Variants in GLRA2 observed in about 807,000 individuals in gnomAD.
The protein encoded by GLRA2 is glycine receptor alpha 2.
GLRA2 carries 11 observed loss-of-function variants against 31.6 expected under a neutral mutation model. The observed-to-expected ratio is 0.35, with a 90% confidence interval of 0.22 to 0.58. The LOEUF (loss-of-function observed/expected upper bound fraction) is 0.58. Ranked by LOEUF, GLRA2 falls within the 20% of genes least tolerant of loss-of-function variation. The pLI is 0.84. For synonymous variants in GLRA2, 132 were observed against 134.0 expected, an observed-to-expected ratio of 0.99 and a Z score of 0.10; for missense variants, 212 against 351.8, an observed-to-expected ratio of 0.60 and a Z score of 3.18.
chrX:14,731,716 C>T lies in GLRA2; in HGVS notation c.*1231C>T, dbSNP rs762232583. ...TTTTGCTTACTCAGATAAAAGACAA[C>T]CTGTAAAAATATAATAATTAAATTT... On this transcript the variant is annotated 3_prime_UTR_variant, in exon 9 of 9. Transcript: ENST00000218075. 9.0e-6 allele frequency: 1 copy of T among 111,290 alleles called. No individual in the cohort carries two copies. 9.2% of individuals were successfully genotyped at this position (111,290 alleles called of 1,213,427 possible). A position where few individuals can be genotyped will look rare whatever the true frequency, so the allele number is the denominator to read the frequency against.
intron 2 of GLRA2, among the ~76,000 whole-genome samples, chrX:14,559,998 C>T (rs1000939484): frequency 3.6e-5 from 4 of 111,542 alleles, no homozygotes; most frequent in Non-Finnish European, 7.5e-5. Context: ...CACCATGCAA[C>T]GCAGGAAGCC....
the GLRA2 span, among the ~76,000 whole-genome samples, chrX:14,449,061 G>A: frequency 1.8e-5 from 2 of 112,380 alleles, no homozygotes; most frequent in African/African-American, 3.2e-5. Flanking sequence ...AGACCTCTGC[G>A]TGAGCTGGAA....
chrX:14,715,339 G>A (rs2091770497), intron 8 of GLRA2, among the ~76,000 whole-genome samples: 1 of 112,126 alleles, frequency 8.9e-6, no homozygotes, highest in African/African-American at 3.2e-5. Context: ...AAATAAGCAA[G>A]GAAATGACTT....
At chrX:14,480,306 C>T in the GLRA2 span, among the ~76,000 whole-genome samples, 5 of 111,555 alleles carry the variant, frequency 4.5e-5, no homozygotes, top group Non-Finnish European at 7.5e-5. Flanking sequence ...CCTCCAATTC[C>T]GTAGGTTGTT....
the GLRA2 span, among the ~76,000 whole-genome samples, chrX:14,454,409 TATCTC>T: frequency 2.7e-5 from 3 of 111,225 alleles, no homozygotes; most frequent in African/African-American, 6.5e-5. Flanking sequence ...AATCTACAAT[TATCTC>T]AAACTAAAAA....
At chrX:14,725,558 T>A (rs2091920436) in intron 8 of GLRA2, among the ~76,000 whole-genome samples, 1 of 111,965 alleles carries the variant, frequency 8.9e-6, no homozygotes, top group Non-Finnish European at 1.9e-5. Flanking sequence ...GGAGTCCTTT[T>A]ACTTCCTCCT....
chrX:14,584,462 C>T (rs2090059317), intron 4 of GLRA2, among the ~76,000 whole-genome samples: 1 of 111,700 alleles, frequency 9.0e-6, no homozygotes, highest in Non-Finnish European at 1.9e-5. Flanking sequence ...TGCAGACTCA[C>T]CATCATCACC....
intron 8 of GLRA2, among the ~76,000 whole-genome samples, chrX:14,716,448 AG>A (rs1018916216): frequency 6.3e-5 from 7 of 111,806 alleles, no homozygotes; most frequent in Non-Finnish European, 1.3e-4. Flanking sequence ...AGAGGATGGA[AG>A]TCCTTTGAGG....
At chrX:14,621,846 G>A (rs2090523277) in intron 7 of GLRA2, among the ~76,000 whole-genome samples, 2 of 112,186 alleles carry the variant, frequency 1.8e-5, no homozygotes, top group African/African-American at 3.2e-5. Flanking sequence ...CTTTATAGCA[G>A]CATGATTTAT....
intron 7 of GLRA2, among the ~76,000 whole-genome samples, chrX:14,687,634 C>T (rs981306449): frequency 8.9e-6 from 1 of 112,164 alleles, no homozygotes; most frequent in African/African-American, 3.2e-5. Flanking sequence ...GTAGTTCTTG[C>T]GCCATGGTTT....
rs1266334071 is a variant in GLRA2 at position 14,708,445 on chromosome X, T to C, written c.1080+17586T>C. ...CAGGGACAGGAGGTATATGTTGCAC[T>C]AACTATATTGCACCTCACTAAAACT... is the stretch of plus-strand genomic sequence containing the variant. On this transcript the variant is annotated intron_variant, in intron 8 of 8. Transcript: ENST00000218075. 2.7e-5 allele frequency among the ~76,000 whole-genome samples: 3 copies of C among 111,217 alleles called. No individual in the cohort carries two copies. In the East Asian group the frequency reaches 8.5e-4, roughly 31 times the overall value.
the GLRA2 span, among the ~76,000 whole-genome samples, chrX:14,469,162 T>G: frequency 9.0e-6 from 1 of 111,366 alleles, no homozygotes; most frequent in Non-Finnish European, 1.9e-5. Flanking sequence ...AGAAGCTCTT[T>G]AGTTTAATTA....
intron 7 of GLRA2, among the ~76,000 whole-genome samples, chrX:14,627,260 G>T (rs1248647216): frequency 9.0e-6 from 1 of 111,197 alleles, no homozygotes; most frequent in Admixed American, 9.6e-5. Context: ...CACTCTATGT[G>T]CCAGACCTGC....
the GLRA2 span, among the ~76,000 whole-genome samples, chrX:14,500,482 C>T: frequency 0.012 from 1,349 of 112,364 alleles, 19 homozygotes; most frequent in African/African-American, 0.038. Context: ...GTAGTCCTAC[C>T]TCACCCCTTT....
chrX:14,570,651 A>T (rs1039354386), intron 2 of GLRA2, among the ~76,000 whole-genome samples: 4 of 111,494 alleles, frequency 3.6e-5, no homozygotes, highest in Non-Finnish European at 7.5e-5. Context: ...TATATGAAGA[A>T]TAGCACTATT....
chrX:14,536,610 A>G (rs2077287165), intron 2 of GLRA2, among the ~76,000 whole-genome samples: 1 of 112,167 alleles, frequency 8.9e-6, no homozygotes, highest in Admixed American at 9.5e-5. Context: ...AATTGGTTCA[A>G]TTATAAATCA....
Position 14,683,657 on chromosome X carries a change from T to C in GLRA2, c.931-7053T>C, listed in dbSNP as rs763088796. 7.2e-5 allele frequency among the ~76,000 whole-genome samples: 8 copies of C among 111,863 alleles called. No homozygotes were observed. The East Asian group carries it at 2.2e-3, about 31-fold the overall frequency. ...TCCTAATGGTATTGCCTAGGTTTCCTTCTAGGGTCTTTATGGTTTTAGGTC... is the reference window on the plus strand; with the variant it reads ...TCCTAATGGTATTGCCTAGGTTTCCCTCTAGGGTCTTTATGGTTTTAGGTC... On this transcript the variant is annotated intron_variant, in intron 7 of 8. Coordinates refer to ENST00000218075, the MANE Select transcript of GLRA2 (RefSeq NM_002063.4).
intron 8 of GLRA2, among the ~76,000 whole-genome samples, chrX:14,691,170 G>A (rs956740214): frequency 2.7e-5 from 3 of 111,221 alleles, no homozygotes; most frequent in African/African-American, 6.5e-5. Flanking sequence ...TCTGAAATTC[G>A]GAAGTAACTG....
the GLRA2 span, among the ~76,000 whole-genome samples, chrX:14,490,282 T>G: frequency 1.8e-5 from 2 of 112,097 alleles, no homozygotes; most frequent in Non-Finnish European, 3.8e-5. Flanking sequence ...TGTTCTTCAG[T>G]AAGCTGCAAG....
Sources: allele counts gnomAD v4.1 joint callset (sites outside exome capture counted in the v4.1 genomes callset), GRCh38; gene constraint gnomAD v4.1.1; transcripts MANE v1.5; gene names NCBI Gene and HGNC (gene_info 2026-07-23, HGNC 2026-07-21).